Variants in BRIP1 observed in about 807,000 individuals in gnomAD.
BRIP1 encodes BRCA1 interacting DNA helicase 1.
Under a neutral mutation model 119.7 loss-of-function variants are expected in BRIP1, and 88 were observed. The observed-to-expected ratio is 0.74, with a 90% CI of 0.62 to 0.88. The LOEUF (loss-of-function observed/expected upper bound fraction) is 0.88, where lower values mean the gene tolerates loss of function less well. Among genes scored for constraint, BRIP1 ranks in the 40% least tolerant of loss-of-function variants. The pLI, the probability that BRIP1 is intolerant of heterozygous loss-of-function variation, is 0.00. For synonymous variants in BRIP1, 443 were observed against 496.5 expected (o/e 0.89, Z 1.43); for missense variants, 1,259 against 1,455.4 (o/e 0.87, Z 2.20).
chr17:61,764,754 A>G (rs549137650), intron 14 of BRIP1, among the ~76,000 whole-genome samples: 1 of 152,198 alleles, frequency 6.6e-6, no homozygotes, highest in African/African-American at 2.4e-5. Flanking sequence ...CATTTCCCAA[A>G]AGTGCTTCCT....
Position 61,793,895 on chromosome 17 carries a change from T to C in BRIP1, c.1341-166A>G, listed in dbSNP as rs545375166. 6.6e-6 allele frequency among the ~76,000 whole-genome samples: 1 copy of C among 152,296 alleles called. No homozygotes were observed. The highest frequency in any genetic ancestry group is 1.9e-4 in the East Asian group (1 of 5,180). ...ACACCTTTTAAAAAGCATTCATGTC[T>C]CATATTGCAAAATAAACTTTATATA... On this transcript the variant is annotated intron_variant, in intron 9 of 19. Transcript: ENST00000259008. The surrounding 1 kb of genome is among the most constrained non-coding windows in gnomAD (Gnocchi z 5.2).
At position 61,765,392 on chromosome 17, in the gene BRIP1, TATATATATATATATATATATATATATATA is replaced by T. The variant is rs2077344495; in HGVS notation, c.2097+10980_2097+11008del. Among the ~76,000 whole-genome samples the T allele has an allele frequency of 1.3e-4, 2 of 15,416 alleles. 1 individual carries two copies. The highest frequency in any genetic ancestry group is 4.5e-4 in the African/African-American group (2 of 4,486). The allele number at this position is 15,416 out of a possible 152,430, so 10.1% of individuals were successfully genotyped here. Reference sequence around the variant, plus strand: ...TGTGTGTATATATTATATATATATATATATATATATATATATATATATATATATATATTTTTTTTTTTTTTTTTTTTTTT... The same window carrying T: ...TGTGTGTATATATTATATATATATATTATTTTTTTTTTTTTTTTTTTTTTT... On this transcript the variant is annotated intron_variant, in intron 14 of 19. Transcript: ENST00000259008.
At chr17:61,811,434 G>C (rs1048780197) in intron 6 of BRIP1, among the ~76,000 whole-genome samples, 1 of 151,788 alleles carries the variant, frequency 6.6e-6, no homozygotes, top group Non-Finnish European at 1.5e-5. Flanking sequence ...TGTTGGTCAA[G>C]CTGGTCTCGA....
Position 61,746,829 on chromosome 17 carries a change from G to A in BRIP1, c.2098-2238C>T, listed in dbSNP as rs2077064417. On this transcript the variant is annotated intron_variant, in intron 14 of 19. Coordinates refer to ENST00000259008, the MANE Select transcript of BRIP1 (RefSeq NM_032043.3). This position sits in a 1 kb window ranked among gnomAD's most constrained non-coding sequence, Gnocchi z 4.9. ...GAAACGGAACTTGAACAATACTAGA[G>A]ACCAGATGGACCTGACATATATAGA... Among the ~76,000 whole-genome samples, 1 of 151,976 alleles carries A rather than the reference G, an allele frequency of 6.6e-6. No homozygotes were observed. The highest frequency in any genetic ancestry group is 1.5e-5 in the Non-Finnish European group (1 of 67,978).
In BRIP1 at chr17:61,770,201, G is replaced by A. The variant is rs2077427816; in HGVS notation, c.2097+6200C>T. 6.6e-6 allele frequency among the ~76,000 whole-genome samples: 1 copy of A among 152,116 alleles called. No individual in the cohort carries two copies. The highest frequency in any genetic ancestry group is 2.1e-4 in the South Asian group (1 of 4,824). ...AACACTTGTGAAGGTCACAGGCAAGGGACACAGTCATGCTAAAAGACTGAG... is the reference window on the plus strand; with the variant it reads ...AACACTTGTGAAGGTCACAGGCAAGAGACACAGTCATGCTAAAAGACTGAG... On this transcript the variant is annotated intron_variant, in intron 14 of 19. Coordinates refer to ENST00000259008, the MANE Select transcript of BRIP1 (RefSeq NM_032043.3). The surrounding 1 kb of genome is among the most constrained non-coding windows in gnomAD (Gnocchi z 4.7).
rs1405084569 is a variant in BRIP1, at chr17:61,824,203, G to C, written c.628-15446C>G. 6.6e-6 allele frequency among the ~76,000 whole-genome samples: 1 copy of C among 152,130 alleles called. No individual in the cohort carries two copies. Among genetic ancestry groups the C allele is most frequent in the Non-Finnish European group, 1.5e-5 (1 of 68,008 alleles). On this transcript the variant is annotated intron_variant, in intron 6 of 19. Coordinates refer to ENST00000259008, the MANE Select transcript of BRIP1 (RefSeq NM_032043.3). This position sits in a 1 kb window ranked among gnomAD's most constrained non-coding sequence, Gnocchi z 4.3. The stretch of plus-strand genomic sequence containing the variant: ...GCAGAATATCTTTTAAGTGCTGAAA[G>C]AAAGAAAATGTGAACCTAAACTTCA...
rs1382692376 is a variant in BRIP1 at position 61,803,013 on chromosome 17, T to C, written c.919-1539A>G. Reference sequence around the variant, plus strand: ...GTTTCTAGCAAAGTTTAACATAGTGTTGTATGAATAGTCTAACAAGGTTCA... The same window carrying C: ...GTTTCTAGCAAAGTTTAACATAGTGCTGTATGAATAGTCTAACAAGGTTCA... On this transcript the variant is annotated intron_variant, in intron 7 of 19. Transcript: ENST00000259008. The surrounding 1 kb of genome is among the most constrained non-coding windows in gnomAD (Gnocchi z 4.3). Among the ~76,000 whole-genome samples the C allele has an allele frequency of 6.6e-6, 1 of 152,158 alleles. No homozygotes were observed. Among genetic ancestry groups the C allele is most frequent in the African/African-American group, 2.4e-5 (1 of 41,384 alleles).
At chr17:61,837,462 T>A (rs1335332686) in intron 6 of BRIP1, among the ~76,000 whole-genome samples, 2 of 152,070 alleles carry the variant, frequency 1.3e-5, no homozygotes. Flanking sequence ...AGTTATGAAT[T>A]AAAATAATAT....
At position 61,828,419 on chromosome 17, in the gene BRIP1, G is replaced by T. The variant is rs1402313326; in HGVS notation, c.627+18682C>A. ...GGGCTGGACAATAGGGAAATACAGA[G>T]ATATTGTTTCATGGGTATGGTGTTT... On this transcript the variant is annotated intron_variant, in intron 6 of 19. Transcript: ENST00000259008. This position sits in a 1 kb window ranked among gnomAD's most constrained non-coding sequence, Gnocchi z 4.1. 2.1e-4 allele frequency among the ~76,000 whole-genome samples: 32 copies of T among 152,062 alleles called. No individual in the cohort carries two copies. The highest frequency in any genetic ancestry group is 2.0e-3 in the Admixed American group (31 of 15,264).
At position 61,825,687 on chromosome 17, in the gene BRIP1, T is replaced by C. The variant is rs1033391593; in HGVS notation, c.628-16930A>G. Reference sequence around the variant, plus strand: ...TAAATAAAATAACTGGGAATACAACTAACCAGGTAGGTGAAAGATCTCTAC... The same window carrying C: ...TAAATAAAATAACTGGGAATACAACCAACCAGGTAGGTGAAAGATCTCTAC... On this transcript the variant is annotated intron_variant, in intron 6 of 19. Transcript: ENST00000259008. This position sits in a 1 kb window ranked among gnomAD's most constrained non-coding sequence, Gnocchi z 4.1. Among the ~76,000 whole-genome samples the C allele has an allele frequency of 1.3e-5, 2 of 151,636 alleles. No homozygotes were observed. The highest frequency in any genetic ancestry group is 2.9e-5 in the Non-Finnish European group (2 of 67,906).
In BRIP1 at chr17:61,760,280, C is replaced by G. The variant is rs979447670; in HGVS notation, c.2098-15689G>C. On this transcript the variant is annotated intron_variant, in intron 14 of 19. Coordinates refer to ENST00000259008, the MANE Select transcript of BRIP1 (RefSeq NM_032043.3). This position sits in a 1 kb window ranked among gnomAD's most constrained non-coding sequence, Gnocchi z 4.6. The stretch of plus-strand genomic sequence containing the variant: ...AAAATGGAAACACAACATACCAAAA[C>G]TTAAGGGATGCAGCAAACGTAGTCC... Among the ~76,000 whole-genome samples, 1 of 151,712 alleles carries G rather than the reference C, an allele frequency of 6.6e-6. No homozygotes were observed. Among genetic ancestry groups the G allele is most frequent in the Non-Finnish European group, 1.5e-5 (1 of 67,824 alleles).
At chr17:61,777,124 A>G (rs987231675) in intron 13 of BRIP1, among the ~76,000 whole-genome samples, 9 of 152,232 alleles carry the variant, frequency 5.9e-5, no homozygotes, top group African/African-American at 2.2e-4. Flanking sequence ...GCAAAATGTT[A>G]ACAAGTGATG....
Position 61,746,073 on chromosome 17 carries a change from A to T in BRIP1, c.2098-1482T>A, listed in dbSNP as rs1445661462. Reference sequence around the variant, plus strand: ...AAAATTCTCTGGAAAACAGCAACTGATCAATTTTTATAAGATAGTTTATTT... The same window carrying T: ...AAAATTCTCTGGAAAACAGCAACTGTTCAATTTTTATAAGATAGTTTATTT... On this transcript the variant is annotated intron_variant, in intron 14 of 19. Coordinates refer to ENST00000259008, the MANE Select transcript of BRIP1 (RefSeq NM_032043.3). The surrounding 1 kb of genome is among the most constrained non-coding windows in gnomAD (Gnocchi z 4.9). Among the ~76,000 whole-genome samples, 1 of 152,186 alleles carries T rather than the reference A, an allele frequency of 6.6e-6. No individual in the cohort carries two copies. The highest frequency in any genetic ancestry group is 1.5e-5 in the Non-Finnish European group (1 of 67,998).
chr17:61,833,617 G>A (rs1603355104), intron 6 of BRIP1, among the ~76,000 whole-genome samples: 1 of 148,456 alleles, frequency 6.7e-6, no homozygotes, highest in East Asian at 2.0e-4. Flanking sequence ...GTTGCAGTGA[G>A]CCAAAACTGC....
intron 4 of BRIP1, among the ~76,000 whole-genome samples, chr17:61,855,578 CAAAA>C (rs200850712): frequency 3.0e-5 from 3 of 99,382 alleles, no homozygotes; most frequent in Admixed American, 1.0e-4. Flanking sequence ...GATTCTGTCT[CAAAA>C]AAAAAAAAAA....
In BRIP1 at chr17:61,808,646, ATATTTTGGG is replaced by A. The variant is rs1603346861; in HGVS notation, c.730_738del (p.Pro244_Ile246del). 1 of 1,613,946 alleles carries A rather than the reference ATATTTTGGG, an allele frequency of 6.2e-7. No homozygotes were observed. Among genetic ancestry groups the A allele is most frequent in the Middle Eastern group, 1.7e-4 (1 of 6,060 alleles). On this transcript the variant is annotated inframe_deletion, in exon 7 of 20. Transcript: ENST00000259008. The surrounding 1 kb of genome is among the most constrained non-coding windows in gnomAD (Gnocchi z 4.1). The stretch of plus-strand genomic sequence containing the variant: ...TGCTTGTGTGTGCGTGTCCCAAAAT[ATATTTTGGG>A]TATCTTGGATTTCCCTGTATGATCC...
rs1279058464 is a variant in BRIP1, at chr17:61,808,889, A to T, written c.628-132T>A. Reference sequence around the variant, plus strand: ...ATAAAGAGAAATAACAAGAAATTATAGTATCTAAAACTTGCCATTAAAGAA... The same window carrying T: ...ATAAAGAGAAATAACAAGAAATTATTGTATCTAAAACTTGCCATTAAAGAA... On this transcript the variant is annotated intron_variant, in intron 6 of 19. Coordinates refer to ENST00000259008, the MANE Select transcript of BRIP1 (RefSeq NM_032043.3). This position sits in a 1 kb window ranked among gnomAD's most constrained non-coding sequence, Gnocchi z 4.1. 1 of 950,118 alleles carries T rather than the reference A, an allele frequency of 1.1e-6. No homozygotes were observed. Among genetic ancestry groups the T allele is most frequent in the Non-Finnish European group, 1.6e-6 (1 of 639,898 alleles). 58.9% of individuals were successfully genotyped at this position (950,118 alleles called of 1,614,324 possible). A position where few individuals can be genotyped will look rare whatever the true frequency, so the allele number is the denominator to read the frequency against.
At chr17:61,788,582 C>A (rs972185443) in intron 10 of BRIP1, among the ~76,000 whole-genome samples, 3 of 152,118 alleles carry the variant, frequency 2.0e-5, no homozygotes, top group African/African-American at 7.2e-5. Context: ...TTTCTTAAAT[C>A]ATTAATTAAC....
At chr17:61,766,178 C>T (rs1027798433) in intron 14 of BRIP1, among the ~76,000 whole-genome samples, 2 of 152,128 alleles carry the variant, frequency 1.3e-5, no homozygotes, top group African/African-American at 4.8e-5. Flanking sequence ...ATCAGGAGTT[C>T]TAAGGCAAAT....
Sources: allele counts gnomAD v4.1 joint callset (sites outside exome capture counted in the v4.1 genomes callset), GRCh38; gene constraint gnomAD v4.1.1; non-coding constraint Gnocchi (gnomAD v3.1); transcripts MANE v1.5; gene names NCBI Gene and HGNC (gene_info 2026-07-23, HGNC 2026-07-21).